PDCD1LG2: variants seen among roughly 807,000 people sequenced by gnomAD.
The protein encoded by PDCD1LG2 is B7 dendritic cell molecule.
PDCD1LG2 carries 32 observed loss-of-function variants against 28.2 expected under a neutral mutation model. That is an observed-to-expected ratio of 1.13 (90% CI 0.86 to 1.52). PDCD1LG2 has a LOEUF of 1.52. Ranked by LOEUF, PDCD1LG2 falls within the 40% of genes most tolerant of loss-of-function variation. The probability of loss-of-function intolerance (pLI) is 0.00; values close to 1 mark genes in which losing one functional copy is unlikely to be tolerated. For synonymous variants in PDCD1LG2, 116 were observed against 120.2 expected (o/e 0.97, Z 0.23); for missense variants, 385 against 323.8 (o/e 1.19, Z -1.45).
intron 3 of PDCD1LG2, among the ~76,000 whole-genome samples, chr9:5,547,079 T>C (rs1428583880): frequency 6.6e-6 from 1 of 152,198 alleles, no homozygotes; most frequent in African/African-American, 2.4e-5. Context: ...GCATGAACAT[T>C]CCTTCTCTTC....
intron 2 of PDCD1LG2, among the ~76,000 whole-genome samples, chr9:5,527,107 T>C (rs182184392): frequency 1.9e-4 from 29 of 152,362 alleles, no homozygotes; most frequent in African/African-American, 7.0e-4. Context: ...AGTGAAAAAT[T>C]AGGGTAAAAC....
chr9:5,539,428 A>G (rs1820646950), intron 3 of PDCD1LG2, among the ~76,000 whole-genome samples: 1 of 152,234 alleles, frequency 6.6e-6, no homozygotes, highest in Non-Finnish European at 1.5e-5. Context: ...AAGCTTGAAA[A>G]TGGGTTTGTT....
At chr9:5,563,092 A>G (rs1816598135) in intron 5 of PDCD1LG2, 70 bp from the exon 6 acceptor site, 19 of 1,221,720 alleles carry the variant, frequency 1.6e-5, no homozygotes, top group Non-Finnish European at 2.0e-5. Flanking sequence ...TTGTCCTGCC[A>G]TATTTTAATC....
In PDCD1LG2 at chr9:5,516,461, A is replaced by G. The variant is rs12002236; in HGVS notation, c.-15+5658A>G. The stretch of plus-strand genomic sequence containing the variant: ...TGTAAGTTCTTACCCCAGGCTGTGG[A>G]CTCCACCCACAATTGGCAACCTGGC... On this transcript the variant is annotated intron_variant, in intron 1 of 6. Coordinates refer to ENST00000397747, the MANE Select transcript of PDCD1LG2 (RefSeq NM_025239.4). 3.7e-3 allele frequency among the ~76,000 whole-genome samples: 568 copies of G among 152,168 alleles called. 2 individuals are homozygous for G. Among genetic ancestry groups the G allele is most frequent in the African/African-American group, 0.013 (531 of 41,518 alleles).
At chr9:5,563,131 T>A in intron 5 of PDCD1LG2, 31 bp from the exon 6 acceptor site, 4 of 1,540,874 alleles carry the variant, frequency 2.6e-6, no homozygotes, top group Non-Finnish European at 3.6e-6. Context: ...CTCATTAATC[T>A]TATTCCATTT....
rs758147965 is a variant in PDCD1LG2 at position 5,566,894 on chromosome 9, T to C, written c.817-3060T>C. 5.3e-5 allele frequency among the ~76,000 whole-genome samples: 8 copies of C among 152,298 alleles called. 1 individual carries two copies. In the Middle Eastern group the frequency reaches 0.01, roughly 194 times the overall value. ...ATTCATGTCCTATTAAAAATGTTATTTATAGACTCACCATATTCCCTTCCT... is the reference window on the plus strand; with the variant it reads ...ATTCATGTCCTATTAAAAATGTTATCTATAGACTCACCATATTCCCTTCCT... On this transcript the variant is annotated intron_variant, in intron 6 of 6. Transcript: ENST00000397747.
At chr9:5,531,948 G>A (rs574943163) in intron 2 of PDCD1LG2, among the ~76,000 whole-genome samples, 2 of 152,256 alleles carry the variant, frequency 1.3e-5, no homozygotes, top group Admixed American at 1.3e-4. Context: ...AGGACAGATT[G>A]GATTTGGTAT....
At chr9:5,524,410 T>A (rs1820332985) in intron 2 of PDCD1LG2, among the ~76,000 whole-genome samples, 1 of 152,246 alleles carries the variant, frequency 6.6e-6, no homozygotes, top group Non-Finnish European at 1.5e-5. Flanking sequence ...TAATGAATTA[T>A]GTTGCTGAAT....
At chr9:5,539,826 G>T (rs1053946625) in intron 3 of PDCD1LG2, among the ~76,000 whole-genome samples, 1 of 152,218 alleles carries the variant, frequency 6.6e-6, no homozygotes, top group African/African-American at 2.4e-5. Flanking sequence ...CCAGGAATGG[G>T]CTGAAGCTGA....
At chr9:5,555,266 A>G (rs554198396) in intron 4 of PDCD1LG2, among the ~76,000 whole-genome samples, 2 of 152,008 alleles carry the variant, frequency 1.3e-5, no homozygotes, top group Admixed American at 6.5e-5. Context: ...AAATACAAAA[A>G]ATTAGCCAGG....
At position 5,570,355 on chromosome 9, in the gene PDCD1LG2, T is replaced by C. The variant is rs1816746757; in HGVS notation, c.*396T>C. The C allele has an allele frequency of 7.9e-6, 2 of 253,494 alleles. No homozygotes were observed. The highest frequency in any genetic ancestry group is 1.5e-5 in the Non-Finnish European group (2 of 130,436). 15.7% of individuals were successfully genotyped at this position (253,494 alleles called of 1,614,324 possible). On this transcript the variant is annotated 3_prime_UTR_variant, in exon 7 of 7. Transcript: ENST00000397747. ...GGAAATTTCCAGTAACAGAAACAGA[T>C]GGGTTGCCAATAGAGTTATTTTTTA...
chr9:5,543,466 G>A (rs1820728857), intron 3 of PDCD1LG2, among the ~76,000 whole-genome samples: 2 of 150,788 alleles, frequency 1.3e-5, no homozygotes, highest in Non-Finnish European at 1.5e-5. Context: ...AGGAACCTGG[G>A]AGGCGGATTT....
intron 3 of PDCD1LG2, among the ~76,000 whole-genome samples, chr9:5,547,087 T>G (rs1189954773): frequency 6.6e-6 from 1 of 152,196 alleles, no homozygotes; most frequent in East Asian, 1.9e-4. Context: ...ATTCCTTCTC[T>G]TCCATAGGAT....
In PDCD1LG2 at chr9:5,534,764, C is replaced by T. The variant is rs941757574; in HGVS notation, c.75C>T (p.Val25=). The change falls in exon 3 of 7, where the codon GTC becomes GTT. Residue 25 remains valine (V), a synonymous_variant. Coordinates refer to ENST00000397747, the MANE Select transcript of PDCD1LG2 (RefSeq NM_025239.4). ...HQIAALFTVT[V]PKELYIIEHG... is the part of the protein sequence containing the mutation. ...TTTCAGCTTTATTCACAGTGACAGT[C>T]CCTAAGGAACTGTACATAATAGAGC... is the stretch of plus-strand genomic sequence containing the variant. 1 of 1,606,804 alleles carries T rather than the reference C, an allele frequency of 6.2e-7. No individual in the cohort carries two copies. Among genetic ancestry groups the T allele is most frequent in the East Asian group, 2.2e-5 (1 of 44,746 alleles).
At chr9:5,557,918 G>C (rs1316341949) in intron 5 of PDCD1LG2, among the ~76,000 whole-genome samples, 166 bp downstream of exon 5, 1 of 152,178 alleles carries the variant, frequency 6.6e-6, no homozygotes, top group Admixed American at 6.5e-5. Context: ...GAAGAAAATG[G>C]CTCTCATCGT....
chr9:5,519,112 T>C (rs1376795525), intron 1 of PDCD1LG2, among the ~76,000 whole-genome samples: 1 of 152,062 alleles, frequency 6.6e-6, no homozygotes, highest in Admixed American at 6.6e-5. Flanking sequence ...AAGATCTTTA[T>C]TGTGGTTTCA....
At chr9:5,540,045 T>C (rs1467045126) in intron 3 of PDCD1LG2, among the ~76,000 whole-genome samples, 1 of 152,188 alleles carries the variant, frequency 6.6e-6, no homozygotes, top group Non-Finnish European at 1.5e-5. Flanking sequence ...TCAAGTACTC[T>C]CTTAGATCAC....
intron 3 of PDCD1LG2, among the ~76,000 whole-genome samples, chr9:5,544,733 G>C (rs1222365501): frequency 7.4e-6 from 1 of 134,572 alleles, no homozygotes; most frequent in Non-Finnish European, 1.6e-5. Context: ...ACGAAGGCTG[G>C]CTGATGGCCT....
intron 1 of PDCD1LG2, among the ~76,000 whole-genome samples, chr9:5,521,593 C>G (rs970794764): frequency 3.3e-5 from 5 of 152,150 alleles, no homozygotes; most frequent in Admixed American, 6.5e-5. Context: ...CCAGCAACCT[C>G]TCCCTCTCAG....
Sources: allele counts gnomAD v4.1 joint callset (sites outside exome capture counted in the v4.1 genomes callset), GRCh38; gene constraint gnomAD v4.1.1; transcripts MANE v1.5; gene names NCBI Gene and HGNC (gene_info 2026-07-23, HGNC 2026-07-21).